OPCML: variants seen among roughly 807,000 people sequenced by gnomAD.
OPCML encodes the protein opioid-binding protein/cell adhesion molecule.
Under a neutral mutation model 37.8 loss-of-function variants are expected in OPCML, and 13 were observed. The observed-to-expected ratio is 0.34, with a 90% confidence interval of 0.22 to 0.55. The LOEUF (loss-of-function observed/expected upper bound fraction) is 0.55. OPCML is among the 20% of genes least tolerant of loss of function. The pLI is 0.91. For missense variants in OPCML, 341 were observed against 435.6 expected, an observed-to-expected ratio of 0.78 and a Z score of 1.93; for synonymous variants, 176 against 168.8, an observed-to-expected ratio of 1.04 and a Z score of -0.33.
intron 3 of OPCML, among the ~76,000 whole-genome samples, chr11:132,588,156 G>A (rs1038833648): frequency 6.6e-6 from 1 of 152,090 alleles, no homozygotes; most frequent in Non-Finnish European, 1.5e-5. Context: ...CCTGGTGGTA[G>A]GGCTGCTTTC....
At chr11:133,224,125 C>A (rs1339779942) in intron 1 of OPCML, among the ~76,000 whole-genome samples, 1 of 152,182 alleles carries the variant, frequency 6.6e-6, no homozygotes, top group Non-Finnish European at 1.5e-5. Context: ...TTGTAATCCT[C>A]CAGCAGCTGC....
rs1945635115 is a variant in OPCML, at chr11:132,942,989, T to C, written c.83A>G (p.Asp28Gly). The C allele has an allele frequency of 1.9e-6, 3 of 1,613,914 alleles. No homozygotes were observed. Among genetic ancestry groups the C allele is most frequent in the Admixed American group, 3.3e-5 (2 of 59,996 alleles). ...FIPGVPVRSG[D>G]ATFPKAMDNV... The stretch of plus-strand genomic sequence containing the variant: ...GTCCATAGCTTTGGGGAAGGTGGCA[T>C]CTCCGCTGCGCACGGGCACTCCTGT... Residue 28 changes from aspartate (D) to glycine (G), a missense_variant, in exon 2 of 8, where the codon GAT (aspartate) becomes GGT (glycine). Transcript: ENST00000524381.
chr11:132,621,650 T>C (rs1464540349), intron 3 of OPCML, among the ~76,000 whole-genome samples: 1 of 152,208 alleles, frequency 6.6e-6, no homozygotes, highest in Admixed American at 6.5e-5. Context: ...TTAGAGCTTC[T>C]GGAACAATGC....
rs56882175 is a variant in OPCML, at chr11:132,975,529, C to CAAAA, written c.62-32523_62-32520dup. Among the ~76,000 whole-genome samples, 36 of 42,800 alleles carry CAAAA rather than the reference C, an allele frequency of 8.4e-4. 7 individuals are homozygous for CAAAA. The highest frequency in any genetic ancestry group is 9.4e-4 in the Non-Finnish European group (22 of 23,464). The allele number at this position is 42,800 out of a possible 152,430, so 28.1% of individuals were successfully genotyped here. A position where few individuals can be genotyped will look rare whatever the true frequency, so the allele number is the denominator to read the frequency against. On this transcript the variant is annotated intron_variant, in intron 1 of 7. Transcript: ENST00000524381. Reference sequence around the variant, plus strand: ...CTGGATGTCCCATCCAGGTTTCAAGCAAAAAAAAAAAAAAAAAAAAAAAAA... The same window carrying CAAAA: ...CTGGATGTCCCATCCAGGTTTCAAGCAAAAAAAAAAAAAAAAAAAAAAAAAAAAA...
At chr11:133,314,197 T>A (rs1486547912) in intron 1 of OPCML, among the ~76,000 whole-genome samples, 2 of 116,256 alleles carry the variant, frequency 1.7e-5, no homozygotes, top group African/African-American at 3.5e-5. Flanking sequence ...ATCGCGCCAC[T>A]GCACTCCAGC....
At position 132,943,454 on chromosome 11, in the gene OPCML, A is replaced by T. The variant is rs1945654947; in HGVS notation, c.62-444T>A. 1.2e-5 allele frequency: 4 copies of T among 326,456 alleles called. No homozygotes were observed. The highest frequency in any genetic ancestry group is 2.3e-5 in the Non-Finnish European group (4 of 171,586). The allele number at this position is 326,456 out of a possible 1,614,324, so 20.2% of individuals were successfully genotyped here. A position where few individuals can be genotyped will look rare whatever the true frequency, so the allele number is the denominator to read the frequency against. ...TCTCTCTTCGAGACGCTACTTTAAGATTCAGTTGGGCACGTTCTGCAGAGC... is the reference window on the plus strand; with the variant it reads ...TCTCTCTTCGAGACGCTACTTTAAGTTTCAGTTGGGCACGTTCTGCAGAGC... On this transcript the variant is annotated intron_variant, in intron 1 of 7. Transcript: ENST00000524381. This position sits in a 1 kb window ranked among gnomAD's most constrained non-coding sequence, Gnocchi z 4.3.
Position 133,497,341 on chromosome 11 carries a change from T to C in OPCML, c.61+34923A>G, listed in dbSNP as rs1324081788. The stretch of plus-strand genomic sequence containing the variant: ...AGAGCATTTTGCATTTCTAAAAGTG[T>C]GTCCAAAGTTTCCTGAATTTTTGAT... On this transcript the variant is annotated intron_variant, in intron 1 of 7. Coordinates refer to ENST00000524381, the MANE Select transcript of OPCML (RefSeq NM_001012393.5). Among the ~76,000 whole-genome samples the C allele has an allele frequency of 7.2e-5, 11 of 152,314 alleles. No individual in the cohort carries two copies. The East Asian group carries it at 1.4e-3, about 19-fold the overall frequency.
At chr11:133,484,458 A>T (rs1050931029) in intron 1 of OPCML, among the ~76,000 whole-genome samples, 12 of 152,166 alleles carry the variant, frequency 7.9e-5, no homozygotes, top group Non-Finnish European at 1.6e-4. Flanking sequence ...GGATTGGCAG[A>T]TGCACACCTA....
At position 132,555,545 on chromosome 11, in the gene OPCML, G is replaced by A. The variant is rs186769169; in HGVS notation, c.380-26359C>T. Among the ~76,000 whole-genome samples the A allele has an allele frequency of 9.2e-3, 1,401 of 152,178 alleles. 6 individuals are homozygous for A. The highest frequency in any genetic ancestry group is 0.016 in the Non-Finnish European group (1,096 of 68,012). On this transcript the variant is annotated intron_variant, in intron 3 of 7. Transcript: ENST00000524381. ...GAGCTACAATTCAAGATGAGATTTG[G>A]GTGGGGTCATAGCCAAACCATATCA...
chr11:133,052,305 T>G (rs2136968214), intron 1 of OPCML, among the ~76,000 whole-genome samples: 1 of 152,326 alleles, frequency 6.6e-6, no homozygotes, highest in African/African-American at 2.4e-5. Flanking sequence ...AGACCAGCAT[T>G]ATAGAATAAT....
intron 1 of OPCML, among the ~76,000 whole-genome samples, chr11:133,289,388 G>T (rs1172696562): frequency 6.6e-6 from 1 of 150,822 alleles, no homozygotes; most frequent in Non-Finnish European, 1.5e-5. Context: ...GAGGTCAGGA[G>T]ATCGAGACCA....
chr11:132,851,330 CA>C (rs1248954974), intron 2 of OPCML, among the ~76,000 whole-genome samples: 20 of 152,138 alleles, frequency 1.3e-4, no homozygotes, highest in African/African-American at 4.8e-4. Flanking sequence ...CATTTTAATA[CA>C]ATTAATTTTC....
intron 4 of OPCML, among the ~76,000 whole-genome samples, chr11:132,527,287 A>C (rs1382104118): frequency 2.0e-5 from 3 of 152,172 alleles, no homozygotes; most frequent in Admixed American, 1.3e-4. Context: ...GTGTATGTTT[A>C]ACTTTATAAC....
At chr11:132,823,242 C>T (rs530171196) in intron 2 of OPCML, among the ~76,000 whole-genome samples, 45 of 152,152 alleles carry the variant, frequency 3.0e-4, no homozygotes, top group Non-Finnish European at 4.0e-4. Flanking sequence ...CACCTCCACA[C>T]GTCTTGCCAT....
chr11:133,081,543 T>C (rs1255259836), intron 1 of OPCML, among the ~76,000 whole-genome samples: 1 of 152,190 alleles, frequency 6.6e-6, no homozygotes, highest in East Asian at 1.9e-4. Flanking sequence ...TCTTTTGTTT[T>C]CCACATCCTG....
At chr11:133,400,994 A>G (rs1945391680) in intron 1 of OPCML, among the ~76,000 whole-genome samples, 1 of 152,240 alleles carries the variant, frequency 6.6e-6, no homozygotes, top group Non-Finnish European at 1.5e-5. Flanking sequence ...GCGTCAGAAT[A>G]TGGAGAAAAG....
chr11:133,423,420 T>C, intron 1 of OPCML: 3 of 985,242 alleles, frequency 3.0e-6, no homozygotes, highest in Non-Finnish European at 3.6e-6. Context: ...ACTCAGAGAG[T>C]TCCGCCTGCA....
At chr11:132,509,025 G>A (rs1288357211) in intron 4 of OPCML, among the ~76,000 whole-genome samples, 1 of 152,156 alleles carries the variant, frequency 6.6e-6, no homozygotes, top group Non-Finnish European at 1.5e-5. Context: ...CAATGGTTTT[G>A]ACCAAAGTGC....
intron 6 of OPCML, 127 bp from the exon 7 acceptor site, chr11:132,436,364 G>C: frequency 6.4e-7 from 1 of 1,567,200 alleles, no homozygotes; most frequent in East Asian, 2.3e-5. Context: ...CCAACAGGAG[G>C]AGAAGGGAAA....
Sources: gnomAD v4.1 joint callset for allele counts (sites outside exome capture counted in the v4.1 genomes callset) on GRCh38, gnomAD v4.1.1 for gene constraint, Gnocchi (gnomAD v3.1) non-coding constraint, MANE v1.5 for transcripts, NCBI Gene and HGNC (gene_info 2026-07-23, HGNC 2026-07-21) for gene names.